PTCH2: variants seen among roughly 807,000 people sequenced by gnomAD.
The protein encoded by PTCH2 is patched 2.
In PTCH2, 96 loss-of-function variants were observed where a neutral mutation model predicts 117.9. That is an observed-to-expected ratio of 0.81 (90% CI 0.69 to 0.96). PTCH2 has a LOEUF of 0.96. Ranked by LOEUF, PTCH2 falls within the 50% of genes least tolerant of loss-of-function variation. PTCH2 has a pLI of 0.00. For synonymous variants in PTCH2, 615 were observed against 660.9 expected, an observed-to-expected ratio of 0.93 and a Z score of 1.06; for missense variants, 1,379 against 1,562.5, an observed-to-expected ratio of 0.88 and a Z score of 1.98.
At chr1:44,839,710 T>C (rs1372404663) in intron 2 of PTCH2, among the ~76,000 whole-genome samples, 1 of 152,038 alleles carries the variant, frequency 6.6e-6, no homozygotes, top group Admixed American at 6.6e-5. Flanking sequence ...TGGGTGGGGA[T>C]ATGTGTATGT....
At chr1:44,825,242 A>G (rs1243184828) in intron 19 of PTCH2, among the ~76,000 whole-genome samples, 4 of 151,188 alleles carry the variant, frequency 2.6e-5, no homozygotes, top group Non-Finnish European at 4.4e-5. Flanking sequence ...GGTTCAAGTG[A>G]TTCTCCTGCC....
At chr1:44,836,799 A>G (rs566479471) in intron 2 of PTCH2, among the ~76,000 whole-genome samples, 3 of 152,136 alleles carry the variant, frequency 2.0e-5, no homozygotes, top group African/African-American at 7.2e-5. Flanking sequence ...AACAAACAAA[A>G]AAATTAGCTG....
At position 44,826,672 on chromosome 1, in the gene PTCH2, C is replaced by A. The variant is rs369993325; in HGVS notation, c.2792G>T (p.Arg931Leu). The part of the protein sequence containing the change: ...ADFVEAIEGA[R>L]AACAEAGQAG... ...CTGGCCGGCCTCTGCGCATGCTGCCCGGGCCCCCTCGATGGCCTCCACAAA... is the reference window on the plus strand; with the variant it reads ...CTGGCCGGCCTCTGCGCATGCTGCCAGGGCCCCCTCGATGGCCTCCACAAA... Residue 931 changes from arginine to leucine, a missense_variant, in exon 18 of 22, where the codon CGG becomes CTG. Coordinates refer to ENST00000372192, the MANE Select transcript of PTCH2 (RefSeq NM_003738.5). This position sits in a 1 kb window ranked among gnomAD's most constrained non-coding sequence, Gnocchi z 5.1. 1 of 1,609,220 alleles carries A rather than the reference C, an allele frequency of 6.2e-7. No individual in the cohort carries two copies. Among genetic ancestry groups the A allele is most frequent in the Non-Finnish European group, 8.5e-7 (1 of 1,177,730 alleles).
At position 44,823,159 on chromosome 1, in the gene PTCH2, AAAG is replaced by A; in HGVS notation, c.3264_3266del (p.Phe1089del). The stretch of plus-strand genomic sequence containing the variant: ...GGAGCGTGAGCACTGTCAGCGCCGC[AAAG>A]AAGTACCTAGGGGTAGGGTGTGGGG... On this transcript the variant is annotated inframe_deletion, in exon 21 of 22. Coordinates refer to ENST00000372192, the MANE Select transcript of PTCH2 (RefSeq NM_003738.5). This position sits in a 1 kb window ranked among gnomAD's most constrained non-coding sequence, Gnocchi z 5.1. The A allele has an allele frequency of 1.2e-6, 2 of 1,614,080 alleles. No individual in the cohort carries two copies. Among genetic ancestry groups the A allele is most frequent in the Non-Finnish European group, 1.7e-6 (2 of 1,179,988 alleles).
rs775127172 is a variant in PTCH2, at chr1:44,829,461, T to A, written c.1156A>T (p.Ile386Phe). 1 of 1,614,144 alleles carries A rather than the reference T, an allele frequency of 6.2e-7. No individual in the cohort carries two copies. Among genetic ancestry groups the A allele is most frequent in the Admixed American group, 1.7e-5 (1 of 60,020 alleles). ...CTGACTTCAGAGAACGCATGCAGGA[T>A]GTCATCCAGGGTGGTGGAGGAGAAG... ...HAFSSTTLDD[I>F]LHAFSEVSAA... Residue 386 changes from isoleucine to phenylalanine, a missense_variant, in exon 9 of 22, where the codon ATC becomes TTC. Coordinates refer to ENST00000372192, the MANE Select transcript of PTCH2 (RefSeq NM_003738.5).
At chr1:44,840,793 C>T (rs1653913888) in intron 2 of PTCH2, among the ~76,000 whole-genome samples, 1 of 152,120 alleles carries the variant, frequency 6.6e-6, no homozygotes, top group South Asian at 2.1e-4. Flanking sequence ...ACTTAGGTGG[C>T]TGAGGCACAA....
Position 44,822,205 on chromosome 1 carries a change from T to C in PTCH2, c.*210A>G. Reference sequence around the variant, plus strand: ...CCAAGTGCCAGCTTTCACTCTCAAGTGACACAGATACAGGCTCACACAGGC... The same window carrying C: ...CCAAGTGCCAGCTTTCACTCTCAAGCGACACAGATACAGGCTCACACAGGC... On this transcript the variant is annotated 3_prime_UTR_variant, in exon 22 of 22. Coordinates refer to ENST00000372192, the MANE Select transcript of PTCH2 (RefSeq NM_003738.5). The C allele has an allele frequency of 6.9e-7, 1 of 1,446,130 alleles. No individual in the cohort carries two copies. The highest frequency in any genetic ancestry group is 9.0e-7 in the Non-Finnish European group (1 of 1,105,686). 89.6% of individuals were successfully genotyped at this position (1,446,130 alleles called of 1,614,324 possible). A position where few individuals can be genotyped will look rare whatever the true frequency, so the allele number is the denominator to read the frequency against.
In PTCH2 at chr1:44,823,310, C is replaced by G. The variant is rs758108389; in HGVS notation, c.3190G>C (p.Asp1064His). The change falls in exon 20 of 22, where the codon GAT becomes CAT. Residue 1064 changes from aspartate (D) to histidine (H), a missense_variant. Physicochemically the swap from Asp to His is moderately conservative, Grantham distance 81. Coordinates refer to ENST00000372192, the MANE Select transcript of PTCH2 (RefSeq NM_003738.5). The surrounding 1 kb of genome is among the most constrained non-coding windows in gnomAD (Gnocchi z 5.1). Reference protein sequence around the residue: ...ALEHTFAPVTDGAISTLLGLL... With the variant: ...ALEHTFAPVTHGAISTLLGLL... ...CCCAGCAATGTGGAGATGGCCCCATCGGTCACGGGGGCAAATGTGTGCTCA... is the reference window on the plus strand; with the variant it reads ...CCCAGCAATGTGGAGATGGCCCCATGGGTCACGGGGGCAAATGTGTGCTCA... The G allele has an allele frequency of 1.9e-6, 3 of 1,614,204 alleles. No homozygotes were observed. The highest frequency in any genetic ancestry group is 2.2e-5 in the South Asian group (2 of 91,088).
chr1:44,826,880 C>T lies in PTCH2; in HGVS notation c.2695+22G>A, dbSNP rs2148874522. 1 of 1,613,800 alleles carries T rather than the reference C, an allele frequency of 6.2e-7. No individual in the cohort carries two copies. The highest frequency in any genetic ancestry group is 1.1e-5 in the South Asian group (1 of 91,086). On this transcript the variant is annotated intron_variant, in intron 17 of 21. Coordinates refer to ENST00000372192, the MANE Select transcript of PTCH2 (RefSeq NM_003738.5). The surrounding 1 kb of genome is among the most constrained non-coding windows in gnomAD (Gnocchi z 5.1). Reference sequence around the variant, plus strand: ...TGTGTGGGCGAGGCTGAGGCTCTTGCCGAGCTCCCCCCAAGACTCACTGCG... The same window carrying T: ...TGTGTGGGCGAGGCTGAGGCTCTTGTCGAGCTCCCCCCAAGACTCACTGCG...
downstream of PTCH2, among the ~76,000 whole-genome samples, chr1:44,820,995 TTTG>T (rs956615556): frequency 5.3e-5 from 8 of 152,162 alleles, no homozygotes; most frequent in Admixed American, 2.0e-4. Flanking sequence ...ATAGGCGTTT[TTTG>T]TTGTTGTTGT....
chr1:44,830,314 G>A (rs1255091273), intron 6 of PTCH2, among the ~76,000 whole-genome samples: 1 of 152,150 alleles, frequency 6.6e-6, no homozygotes, highest in Non-Finnish European at 1.5e-5. Flanking sequence ...AAAGAAACCT[G>A]GGAAACCAGG....
rs552470325 is a variant in PTCH2, at chr1:44,830,844, C to G, written c.813+4G>C. On this transcript the variant is annotated splice_donor_region_variant and intron_variant, in intron 6 of 21. Transcript: ENST00000372192. ...TTTCCCTGGCAGACCTGGTTGGAAC[C>G]CACCTGCCTGCTGTGATGGTTGGGG... is the stretch of plus-strand genomic sequence containing the variant. 5.8e-6 allele frequency: 9 copies of G among 1,542,192 alleles called. No individual in the cohort carries two copies. Among genetic ancestry groups the G allele is most frequent in the Non-Finnish European group, 7.9e-6 (9 of 1,137,866 alleles).
chr1:44,832,365 T>TG lies in PTCH2; in HGVS notation c.266-25dup, dbSNP rs578258224. 3.2e-4 allele frequency: 522 copies of TG among 1,613,004 alleles called. 2 individuals carry two copies. In the South Asian group the frequency reaches 5.1e-3, roughly 16 times the overall value. ...CACTGCCAGAGCAAACAGAGAAAGC[T>TG]GGGGGGGAAAGGGCCTAGGCGGGTC... On this transcript the variant is annotated intron_variant, in intron 2 of 21. Transcript: ENST00000372192.
In PTCH2 at chr1:44,822,456, C is replaced by T. The variant is rs1036808902; in HGVS notation, c.3571G>A (p.Gly1191Ser). Reference protein sequence around the residue: ...PPWSPAATSSGNLSSRGPGPA... With the variant: ...PPWSPAATSSSNLSSRGPGPA... ...CCTGGTCCCCTGGAACTGAGGTTGC[C>T]AGAGCTAGTGGCAGCAGGGGACCAA... Residue 1191 changes from glycine to serine, a missense_variant, in exon 22 of 22, where the codon GGC becomes AGC. Physicochemically the swap from Gly to Ser is moderately conservative, Grantham distance 56. Coordinates refer to ENST00000372192, the MANE Select transcript of PTCH2 (RefSeq NM_003738.5). 1.2e-6 allele frequency: 2 copies of T among 1,613,930 alleles called. No homozygotes were observed. The highest frequency in any genetic ancestry group is 1.7e-6 in the Non-Finnish European group (2 of 1,180,002).
chr1:44,829,134 T>C (rs2148877012), intron 10 of PTCH2, 23 bp downstream of exon 10: 1 of 1,613,748 alleles, frequency 6.2e-7, no homozygotes, highest in Non-Finnish European at 8.5e-7. Context: ...TGGCACTGAG[T>C]CTGCCCTGCA....
chr1:44,842,247 T>C (rs1328389265), intron 1 of PTCH2, among the ~76,000 whole-genome samples: 1 of 151,126 alleles, frequency 6.6e-6, no homozygotes, highest in East Asian at 1.9e-4. Context: ...AGGCCTATTT[T>C]CCTTTCTTTT....
rs200329309 is a variant in PTCH2 at position 44,827,631 on chromosome 1, C to T, written c.2142G>A (p.Thr714=). 7.3e-5 allele frequency: 117 copies of T among 1,613,736 alleles called. No individual in the cohort carries two copies. In the East Asian group the frequency reaches 2.1e-3, roughly 29 times the overall value. Residue 714 remains threonine (T), a synonymous_variant, in exon 15 of 22, where the codon ACG becomes ACA. Transcript: ENST00000372192. The part of the protein sequence containing the change: ...ATLVQDGLAL[T]DVVPRGTKEH... Reference sequence around the variant, plus strand: ...CCTTGGTGCCCCGAGGCACCACATCCGTCAGGGCCAGGCCGTCTTGCACCA... The same window carrying T: ...CCTTGGTGCCCCGAGGCACCACATCTGTCAGGGCCAGGCCGTCTTGCACCA...
chr1:44,839,902 G>C (rs1653865268), intron 2 of PTCH2, among the ~76,000 whole-genome samples: 2 of 152,070 alleles, frequency 1.3e-5, no homozygotes, highest in African/African-American at 4.8e-5. Flanking sequence ...AACATCTGCT[G>C]TGGATCCTAG....
chr1:44,828,987 G>C lies in PTCH2; in HGVS notation c.1459C>G (p.Leu487Val). The part of the protein sequence containing the change: ...AFTEALPGTP[L>V]QERMGECLQR... ...CCTGGGGGACAAGGCCCCACCTGGAGAGGGGTGCCAGGCAGAGCCTCTGTG... is the reference window on the plus strand; with the variant it reads ...CCTGGGGGACAAGGCCCCACCTGGACAGGGGTGCCAGGCAGAGCCTCTGTG... Residue 487 changes from leucine to valine, a missense_variant, in exon 11 of 22, where the codon CTC becomes GTC. Leu to Val is a conservative substitution (Grantham distance 32). Coordinates refer to ENST00000372192, the MANE Select transcript of PTCH2 (RefSeq NM_003738.5). 1 of 1,556,896 alleles carries C rather than the reference G, an allele frequency of 6.4e-7. No individual in the cohort carries two copies. Among genetic ancestry groups the C allele is most frequent in the Non-Finnish European group, 8.7e-7 (1 of 1,149,882 alleles).
Sources: allele counts gnomAD v4.1 joint callset (sites outside exome capture counted in the v4.1 genomes callset), GRCh38; gene constraint gnomAD v4.1.1; non-coding constraint Gnocchi (gnomAD v3.1); transcripts MANE v1.5; gene names NCBI Gene and HGNC (gene_info 2026-07-23, HGNC 2026-07-21).